The following SSPN variants were observed in gnomAD, a reference collection of about 807,000 sequenced individuals.
SSPN encodes the protein K-ras oncogene-associated protein.
SSPN carries 15 observed loss-of-function variants against 19.1 expected under a neutral mutation model. The observed-to-expected ratio is 0.78, with a 90% confidence interval of 0.52 to 1.21. SSPN has a LOEUF of 1.21. Ranked by LOEUF, SSPN falls within the 50% of genes most tolerant of loss-of-function variation. SSPN has a pLI of 0.00. For missense variants in SSPN, 291 were observed against 314.0 expected, an observed-to-expected ratio of 0.93 and a Z score of 0.55; for synonymous variants, 147 against 140.3, an observed-to-expected ratio of 1.05 and a Z score of -0.34.
Position 26,207,682 on chromosome 12 carries a change from A to G in SSPN, c.279+11731A>G, listed in dbSNP as rs1944942912. ...GATATCATTCATTCATGTTTGCTAT[A>G]CTGAATTTCACTGTTAGGAATATAC... On this transcript the variant is annotated intron_variant, in intron 1 of 2. Coordinates refer to ENST00000242729, the MANE Select transcript of SSPN (RefSeq NM_005086.5). 4.0e-5 allele frequency among the ~76,000 whole-genome samples: 6 copies of G among 151,226 alleles called. No homozygotes were observed. The South Asian group carries it at 1.3e-3, about 33-fold the overall frequency.
chr12:26,137,634 ATG>A (rs1312267173), intron 1 of SSPN, among the ~76,000 whole-genome samples: 1 of 42,176 alleles, frequency 2.4e-5, no homozygotes, highest in Non-Finnish European at 4.4e-5. Flanking sequence ...GTGTGTGTGT[ATG>A]TATATATATA....
At chr12:26,167,242 AGT>A (rs1345917678) in intron 1 of SSPN, among the ~76,000 whole-genome samples, 1 of 152,244 alleles carries the variant, frequency 6.6e-6, no homozygotes, top group African/African-American at 2.4e-5. Context: ...AAATATTTAT[AGT>A]GATTGCTTAA....
At chr12:26,123,542 T>A (rs1245685165) in intron 1 of SSPN, 2 of 915,008 alleles carry the variant, frequency 2.2e-6, no homozygotes, top group African/African-American at 3.2e-5. Context: ...CGGAAAGAGA[T>A]GGGGTGCGGG....
In SSPN at chr12:26,122,519, G is replaced by C. The variant is rs564239022; in HGVS notation, c.-31+367G>C. ...CGGGCTGCGGGAAGGGCGCGCCTCC[G>C]CCTCCGCCGAACGCCACCAGCGAGC... On this transcript the variant is annotated intron_variant, in intron 1 of 2. Transcript: ENST00000538142. 1,586 of 1,289,646 alleles carry C rather than the reference G, an allele frequency of 1.2e-3. 11 individuals carry two copies. In the Middle Eastern group the frequency reaches 0.017, roughly 14 times the overall value. The allele number at this position is 1,289,646 out of a possible 1,614,324, so 79.9% of individuals were successfully genotyped here.
intron 1 of SSPN, among the ~76,000 whole-genome samples, chr12:26,211,000 T>C (rs1208475034): frequency 6.6e-6 from 1 of 152,148 alleles, no homozygotes; most frequent in Non-Finnish European, 1.5e-5. Flanking sequence ...AGGTACACTT[T>C]GTGGGTAGTG....
chr12:26,123,200 G>T (rs781226873), intron 1 of SSPN: 1 of 1,544,644 alleles, frequency 6.5e-7, no homozygotes, highest in South Asian at 1.3e-5. Flanking sequence ...GGTGGGGGAC[G>T]GAGGAGTGGA....
chr12:26,145,465 T>C (rs1199397435), intron 1 of SSPN, among the ~76,000 whole-genome samples: 4 of 152,058 alleles, frequency 2.6e-5, no homozygotes, highest in Admixed American at 2.0e-4. Context: ...GTCAATGGAA[T>C]TGGGGAAAAG....
At chr12:26,187,268 T>C (rs572759072) in intron 1 of SSPN, among the ~76,000 whole-genome samples, 10 of 152,258 alleles carry the variant, frequency 6.6e-5, no homozygotes, top group Non-Finnish European at 1.2e-4. Context: ...CCACAGACCA[T>C]GTTGGTGTGG....
chr12:26,172,290 A>C (rs1944657941), intron 1 of SSPN, among the ~76,000 whole-genome samples: 1 of 152,206 alleles, frequency 6.6e-6, no homozygotes. Flanking sequence ...AAAATGTTGA[A>C]TATTCCAGAA....
At chr12:26,148,985 A>G (rs1012415762) in intron 1 of SSPN, among the ~76,000 whole-genome samples, 1 of 152,180 alleles carries the variant, frequency 6.6e-6, no homozygotes, top group East Asian at 1.9e-4. Flanking sequence ...TCCATCACAC[A>G]TTATTCCTGT....
intron 1 of SSPN, among the ~76,000 whole-genome samples, chr12:26,137,174 A>G (rs1205744730): frequency 6.6e-6 from 1 of 152,218 alleles, no homozygotes; most frequent in Non-Finnish European, 1.5e-5. Flanking sequence ...TGAAAAGGAA[A>G]AAACTGCGGC....
chr12:26,176,781 C>T (rs1285271908), intron 1 of SSPN, among the ~76,000 whole-genome samples: 1 of 152,226 alleles, frequency 6.6e-6, no homozygotes, highest in African/African-American at 2.4e-5. Flanking sequence ...TCTTTCTTCT[C>T]TCATTCCCAA....
chr12:26,223,779 A>G (rs912080123), intron 1 of SSPN, among the ~76,000 whole-genome samples: 2 of 152,346 alleles, frequency 1.3e-5, no homozygotes, highest in Admixed American at 1.3e-4. Flanking sequence ...TAAAGCCCTT[A>G]GAAGAGCTCT....
At chr12:26,214,372 C>T (rs777144870) in intron 1 of SSPN, among the ~76,000 whole-genome samples, 1 of 152,204 alleles carries the variant, frequency 6.6e-6, no homozygotes, top group Non-Finnish European at 1.5e-5. Context: ...AGGCAGGTGG[C>T]TGTACCATGC....
chr12:26,162,301 C>T (rs999431994), intron 1 of SSPN, among the ~76,000 whole-genome samples: 3 of 152,172 alleles, frequency 2.0e-5, no homozygotes, highest in Non-Finnish European at 2.9e-5. Flanking sequence ...TGTAGTTCAT[C>T]CAGCTCAACA....
intron 1 of SSPN, among the ~76,000 whole-genome samples, chr12:26,130,935 C>T (rs1011653400): frequency 6.6e-6 from 1 of 151,812 alleles, no homozygotes; most frequent in African/African-American, 2.4e-5. Context: ...TCTCATTGTC[C>T]AATCCCATTA....
chr12:26,205,818 A>G (rs1944926269), intron 1 of SSPN, among the ~76,000 whole-genome samples: 2 of 152,216 alleles, frequency 1.3e-5, no homozygotes, highest in Non-Finnish European at 2.9e-5. Context: ...TTTATGAGTT[A>G]CATGTTCAAT....
At chr12:26,198,259 G>C (rs1471963404) in intron 1 of SSPN, among the ~76,000 whole-genome samples, 1 of 152,150 alleles carries the variant, frequency 6.6e-6, no homozygotes, top group Non-Finnish European at 1.5e-5. Flanking sequence ...CCCCTCCCAG[G>C]TTCAAGACGT....
At chr12:26,137,541 C>A (rs1209873266) in intron 1 of SSPN, among the ~76,000 whole-genome samples, 1 of 148,404 alleles carries the variant, frequency 6.7e-6, no homozygotes, top group Non-Finnish European at 1.5e-5. Flanking sequence ...TGTGAGGTGA[C>A]TAGTATTTCT....
Sources: allele counts gnomAD v4.1 joint callset (sites outside exome capture counted in the v4.1 genomes callset), GRCh38; gene constraint gnomAD v4.1.1; transcripts MANE v1.5; gene names NCBI Gene and HGNC (gene_info 2026-07-23, HGNC 2026-07-21).